Variants in NBEA observed in about 807,000 individuals in gnomAD.
NBEA encodes the protein neurobeachin, also known as lysosomal-trafficking regulator 2.
Under a neutral mutation model 343.4 loss-of-function variants are expected in NBEA, and 44 were observed. The observed-to-expected ratio is 0.13, with a 90% confidence interval of 0.10 to 0.16. The LOEUF (loss-of-function observed/expected upper bound fraction) is 0.16. Among genes scored for constraint, NBEA ranks in the 10% least tolerant of loss-of-function variants. The probability of loss-of-function intolerance (pLI) is 1.00; values close to 1 mark genes in which losing one functional copy is unlikely to be tolerated. For synonymous variants in NBEA, 1,175 were observed against 1,238.7 expected (o/e 0.95, Z 1.08); for missense variants, 2,555 against 3,631.3 (o/e 0.70, Z 7.62).
chr13:34,992,240 A>G (rs11616859), intron 1 of NBEA, among the ~76,000 whole-genome samples: 1,509 of 73,874 alleles, frequency 0.02, 9 homozygotes, highest in South Asian at 0.067. Flanking sequence ...GTGTGTGTGT[A>G]TATATATATA....
chr13:35,011,609 T>C (rs1057444359), intron 1 of NBEA, among the ~76,000 whole-genome samples: 1 of 152,182 alleles, frequency 6.6e-6, no homozygotes, highest in African/African-American at 2.4e-5. Flanking sequence ...TTAATTTCTA[T>C]ATATAGTTTA....
intron 44 of NBEA, among the ~76,000 whole-genome samples, 200 bp from the exon 45 acceptor site, chr13:35,566,700 AGTCTT>A (rs1208369543): frequency 3.9e-5 from 6 of 152,224 alleles, no homozygotes; most frequent in Non-Finnish European, 8.8e-5. Flanking sequence ...CCTCTATCAC[AGTCTT>A]ATAAATAGTA....
At chr13:35,260,854 G>A (rs571350203) in intron 34 of NBEA, among the ~76,000 whole-genome samples, 42 of 152,288 alleles carry the variant, frequency 2.8e-4, no homozygotes, top group Admixed American at 1.2e-3. Context: ...CAGTCCAGAA[G>A]AGTGGCACAT....
At chr13:35,133,593 A>G (rs2067548037) in intron 17 of NBEA, among the ~76,000 whole-genome samples, 2 of 152,118 alleles carry the variant, frequency 1.3e-5, no homozygotes, top group Admixed American at 6.5e-5. Context: ...AAATAAACTA[A>G]GGTATATTCA....
chr13:35,407,516 T>G (rs2043334669), intron 38 of NBEA, among the ~76,000 whole-genome samples: 1 of 84,000 alleles, frequency 1.2e-5, no homozygotes, highest in Admixed American at 1.6e-4. Context: ...CTGCATCATT[T>G]CAAAAAAAAA....
chr13:35,234,507 C>T (rs1231752600), intron 34 of NBEA, among the ~76,000 whole-genome samples: 1 of 151,972 alleles, frequency 6.6e-6, no homozygotes, highest in Non-Finnish European at 1.5e-5. Context: ...ACATAAAAAC[C>T]AATAATTAAA....
intron 38 of NBEA, among the ~76,000 whole-genome samples, chr13:35,425,840 G>C (rs2044627978): frequency 6.6e-6 from 1 of 152,152 alleles, no homozygotes; most frequent in African/African-American, 2.4e-5. Flanking sequence ...CCTGTATTGG[G>C]TGCATATATA....
At chr13:35,466,027 A>G (rs2075372089) in intron 40 of NBEA, among the ~76,000 whole-genome samples, 1 of 152,152 alleles carries the variant, frequency 6.6e-6, no homozygotes, top group Non-Finnish European at 1.5e-5. Context: ...AACAAATAAT[A>G]TGCTAAATTT....
At chr13:35,193,400 G>T (rs2072343086) in intron 30 of NBEA, among the ~76,000 whole-genome samples, 1 of 151,842 alleles carries the variant, frequency 6.6e-6, no homozygotes, top group Non-Finnish European at 1.5e-5. Context: ...AGATTCTGTA[G>T]ACTAAAAGTG....
chr13:35,610,486 A>G (rs1325488639), intron 48 of NBEA, among the ~76,000 whole-genome samples: 2 of 145,902 alleles, frequency 1.4e-5, no homozygotes, highest in African/African-American at 5.1e-5. Flanking sequence ...AGAGTTGGAT[A>G]TCTATATCCA....
chr13:34,948,386 ATG>A (rs2059252625), intron 1 of NBEA, among the ~76,000 whole-genome samples: 1 of 152,180 alleles, frequency 6.6e-6, no homozygotes, highest in Non-Finnish European at 1.5e-5. Flanking sequence ...GGGATGCTGA[ATG>A]TGTAAATTCT....
chr13:34,986,713 G>A lies in NBEA; in HGVS notation c.294+43599G>A, dbSNP rs1343648370. Among the ~76,000 whole-genome samples, 4 of 150,866 alleles carry A rather than the reference G, an allele frequency of 2.7e-5. 1 individual carries two copies. Among genetic ancestry groups the A allele is most frequent in the Non-Finnish European group, 5.9e-5 (4 of 67,382 alleles). ...CTAAGGACTTGCTTTATGAGTCTGG[G>A]TGCTCCTGTATTGGGTGCATATATA... On this transcript the variant is annotated intron_variant, in intron 1 of 58. Transcript: ENST00000379939.
At chr13:35,203,438 CCTT>C (rs2073155938) in intron 31 of NBEA, among the ~76,000 whole-genome samples, 1 of 152,128 alleles carries the variant, frequency 6.6e-6, no homozygotes, top group Admixed American at 6.6e-5. Flanking sequence ...CAACATTATT[CCTT>C]CTTCTTATCT....
intron 34 of NBEA, among the ~76,000 whole-genome samples, chr13:35,287,308 G>A (rs2035492215): frequency 6.6e-6 from 1 of 152,016 alleles, no homozygotes; most frequent in African/African-American, 2.4e-5. Flanking sequence ...CATATGTACA[G>A]CTCCTTTGGG....
chr13:35,568,582 A>T (rs2080244893), intron 45 of NBEA, among the ~76,000 whole-genome samples: 2 of 152,210 alleles, frequency 1.3e-5, no homozygotes, highest in Admixed American at 1.3e-4. Flanking sequence ...ATTAAAAATA[A>T]AGTACAATAT....
At position 35,288,937 on chromosome 13, in the gene NBEA, G is replaced by A. The variant is rs147303585; in HGVS notation, c.5777-1452G>A. Among the ~76,000 whole-genome samples, 143 of 151,996 alleles carry A rather than the reference G, an allele frequency of 9.4e-4. 2 individuals carry two copies. The East Asian group carries it at 0.024, about 25-fold the overall frequency. ...GCTGATCAGTTACACCAATTGTCTC[G>A]TAAATGAGCTTCTCACATCTGCCTC... is the stretch of plus-strand genomic sequence containing the variant. On this transcript the variant is annotated intron_variant, in intron 34 of 58. Coordinates refer to ENST00000379939, the MANE Select transcript of NBEA (RefSeq NM_001385012.1).
rs1330633456 is a variant in NBEA, at chr13:35,517,362, T to A, written c.6586-33115T>A. Among the ~76,000 whole-genome samples the A allele has an allele frequency of 3.3e-5, 5 of 152,196 alleles. No homozygotes were observed. In the East Asian group the frequency reaches 9.6e-4, roughly 29 times the overall value. ...TCCCAAAGGTACTTCTCTAGTCTTG[T>A]CTTCCTTCTACAGCTCTATATTCTT... On this transcript the variant is annotated intron_variant, in intron 41 of 58. Coordinates refer to ENST00000379939, the MANE Select transcript of NBEA (RefSeq NM_001385012.1).
In NBEA at chr13:35,628,133, T is replaced by C. The variant is rs1174437634; in HGVS notation, c.7502T>C (p.Ile2501Thr). Reference sequence around the variant, plus strand: ...CAACTTCATCAGTGGATCGACCTTATATTTGGCTATAAGCAGCGAGGACCA... The same window carrying C: ...CAACTTCATCAGTGGATCGACCTTACATTTGGCTATAAGCAGCGAGGACCA... ...SCQLHQWIDLIFGYKQRGPEA... is the reference protein window; with the variant it reads ...SCQLHQWIDLTFGYKQRGPEA... Residue 2501 changes from isoleucine (I) to threonine (T), a missense_variant, in exon 49 of 59, where the codon ATA (isoleucine) becomes ACA (threonine). Physicochemically the swap from Ile to Thr is moderately conservative, Grantham distance 89. Around this residue, in one of 21 missense-constraint regions of NBEA, gnomAD observed 11 missense variants for 33.2 expected, o/e 0.33. Coordinates refer to ENST00000379939, the MANE Select transcript of NBEA (RefSeq NM_001385012.1). 4.3e-6 allele frequency: 7 copies of C among 1,613,388 alleles called. No individual in the cohort carries two copies. The highest frequency in any genetic ancestry group is 5.9e-6 in the Non-Finnish European group (7 of 1,179,608).
intron 45 of NBEA, among the ~76,000 whole-genome samples, chr13:35,570,681 A>G (rs1167343259): frequency 6.6e-6 from 1 of 152,200 alleles, no homozygotes; most frequent in Non-Finnish European, 1.5e-5. Flanking sequence ...TTAATAAATT[A>G]CTCGTGCATT....
Sources: gnomAD v4.1 joint callset for allele counts (sites outside exome capture counted in the v4.1 genomes callset) on GRCh38, gnomAD v4.1.1 for gene constraint, gnomAD v4.1.1 regional missense constraint, MANE v1.5 for transcripts, NCBI Gene and HGNC (gene_info 2026-07-23, HGNC 2026-07-21) for gene names.